Variants in ZNF527 observed in about 807,000 individuals in gnomAD.
The protein encoded by ZNF527 is zinc finger protein 527.
A neutral mutation model predicts 13.5 loss-of-function variants in ZNF527; 5 were observed. That is an observed-to-expected ratio of 0.37 (90% CI 0.19 to 0.78). The LOEUF is 0.78. Among genes scored for constraint, ZNF527 ranks in the 30% least tolerant of loss-of-function variants. ZNF527 has a pLI of 0.48. For missense variants in ZNF527, 628 were observed against 726.4 expected, an observed-to-expected ratio of 0.86 and a Z score of 1.56; for synonymous variants, 209 against 243.1, an observed-to-expected ratio of 0.86 and a Z score of 1.30.
At chr19:37,372,467 C>CTTTT (rs1022024971) in intron 1 of ZNF527, among the ~76,000 whole-genome samples, 119 of 65,632 alleles carry the variant, frequency 1.8e-3, no homozygotes, top group Non-Finnish European at 2.2e-3. Context: ...CTTTTCTTTT[C>CTTTT]TTTTTTTTTT....
chr19:37,388,231 C>A, intron 4 of ZNF527, 75 bp from the exon 5 acceptor site: 1 of 1,526,266 alleles, frequency 6.6e-7, no homozygotes, highest in Non-Finnish European at 8.8e-7. Context: ...TTAAATTCTT[C>A]CATTTCTTCT....
In ZNF527 at chr19:37,392,720, C is replaced by G. The variant is rs1600275969; in HGVS notation, c.*2841C>G. On this transcript the variant is annotated 3_prime_UTR_variant, in exon 5 of 5. Coordinates refer to ENST00000436120, the MANE Select transcript of ZNF527 (RefSeq NM_032453.2). ...TTGATTTTTGATCTATGTATGGCAC[C>G]TGATTTCATCCTCGAGAGTGACGTA... The G allele has an allele frequency of 6.6e-6, 1 of 152,122 alleles. No homozygotes were observed. Among genetic ancestry groups the G allele is most frequent in the African/African-American group, 2.4e-5 (1 of 41,418 alleles). 9.4% of individuals were successfully genotyped at this position (152,122 alleles called of 1,614,324 possible).
At chr19:37,380,194 G>T (rs755053142) in intron 3 of ZNF527, 83 bp from the exon 4 acceptor site, 1 of 1,571,224 alleles carries the variant, frequency 6.4e-7, no homozygotes, top group Non-Finnish European at 8.6e-7. Context: ...TTGGGTCTGC[G>T]TCCTAGACAG....
intron 4 of ZNF527, among the ~76,000 whole-genome samples, chr19:37,387,589 A>G (rs1255994138): frequency 2.6e-5 from 4 of 152,288 alleles, no homozygotes. Context: ...TTTTGAGATC[A>G]TCTTCTAAAA....
rs1382424741 is a variant in ZNF527, at chr19:37,391,464, G to T, written c.*1585G>T. ...CGTGCTTGTAATCCCAGCTACTCAG[G>T]AGGGTGAGGCAGGAGAATCACTTGA... On this transcript the variant is annotated 3_prime_UTR_variant, in exon 5 of 5. Transcript: ENST00000436120. The T allele has an allele frequency of 6.6e-6, 1 of 152,016 alleles. No homozygotes were observed. Among genetic ancestry groups the T allele is most frequent in the Non-Finnish European group, 1.5e-5 (1 of 68,046 alleles). The allele number at this position is 152,016 out of a possible 1,614,324, so 9.4% of individuals were successfully genotyped here.
chr19:37,389,693 T>C lies in ZNF527; in HGVS notation c.1644T>C (p.His548=), dbSNP rs369230002. The C allele has an allele frequency of 1.1e-5, 18 of 1,612,860 alleles. No homozygotes were observed. The highest frequency in any genetic ancestry group is 3.3e-5 in the Admixed American group (2 of 59,910). The change falls in exon 5 of 5, where the codon CAT becomes CAC. Residue 548 remains histidine, a synonymous_variant. Coordinates refer to ENST00000436120, the MANE Select transcript of ZNF527 (RefSeq NM_032453.2). ...GSYLNQHQRI[H]TGEKPYECSE... Reference sequence around the variant, plus strand: ...ATCTTAATCAACATCAAAGAATTCATACTGGAGAGAAACCCTATGAATGTA... The same window carrying C: ...ATCTTAATCAACATCAAAGAATTCACACTGGAGAGAAACCCTATGAATGTA...
rs764852710 is a variant in ZNF527, at chr19:37,389,151, A to G, written c.1102A>G (p.Ser368Gly). ...GTGCAATGAATGTGGGAAGGCCTTT[A>G]GCCGTTATGCCTTCCTTGTTGAACA... ...FACNECGKAFSRYAFLVEHQR... is the reference protein window; with the variant it reads ...FACNECGKAFGRYAFLVEHQR... Residue 368 changes from serine to glycine, a missense_variant, in exon 5 of 5, where the codon AGC (serine) becomes GGC (glycine). Coordinates refer to ENST00000436120, the MANE Select transcript of ZNF527 (RefSeq NM_032453.2). 2.5e-6 allele frequency: 4 copies of G among 1,614,062 alleles called. No homozygotes were observed. In the East Asian group the frequency reaches 6.7e-5, roughly 27 times the overall value.
intron 2 of ZNF527, 66 bp downstream of exon 2, chr19:37,374,297 G>C (rs2040582252): frequency 6.5e-7 from 1 of 1,531,754 alleles, no homozygotes; most frequent in African/African-American, 1.4e-5. Flanking sequence ...TGGGACCACA[G>C]GGAAAATCAC....
At chr19:37,380,450 T>G (rs1385539603) in intron 4 of ZNF527, 78 bp downstream of exon 4, 1 of 1,234,916 alleles carries the variant, frequency 8.1e-7, no homozygotes, top group Non-Finnish European at 1.2e-6. Flanking sequence ...TGTTTTGAGC[T>G]TCAGGTGGGA....
At chr19:37,380,093 C>A in intron 3 of ZNF527, 184 bp from the exon 4 acceptor site, 1 of 1,204,164 alleles carries the variant, frequency 8.3e-7, no homozygotes, top group East Asian at 3.0e-5. Context: ...ACTGTCACGG[C>A]AGAAGCTTCA....
At chr19:37,374,299 G>A (rs1420029633) in intron 2 of ZNF527, 68 bp downstream of exon 2, 2 of 1,514,610 alleles carry the variant, frequency 1.3e-6, no homozygotes, top group East Asian at 2.3e-5. Flanking sequence ...GGACCACAGG[G>A]AAAATCACAA....
rs773819755 is a variant in ZNF527 at position 37,384,934 on chromosome 19, C to T, written c.257-3372C>T. The T allele has an allele frequency of 7.4e-5, 52 of 702,210 alleles. 1 individual carries two copies. The highest frequency in any genetic ancestry group is 4.6e-4 in the Middle Eastern group (2 of 4,364). 43.5% of individuals were successfully genotyped at this position (702,210 alleles called of 1,614,324 possible). On this transcript the variant is annotated intron_variant, in intron 4 of 4. Coordinates refer to ENST00000436120, the MANE Select transcript of ZNF527 (RefSeq NM_032453.2). Reference sequence around the variant, plus strand: ...CTTGGCTCACTGCAGCCTATACCTACGGAACTCAAGCAATCTTCTCACCTC... The same window carrying T: ...CTTGGCTCACTGCAGCCTATACCTATGGAACTCAAGCAATCTTCTCACCTC...
intron 4 of ZNF527, chr19:37,385,606 A>T: frequency 2.9e-6 from 1 of 342,964 alleles, no homozygotes; most frequent in Non-Finnish European, 5.2e-6. Flanking sequence ...TAATTTTCTT[A>T]AGTTCTGAAA....
intron 4 of ZNF527, among the ~76,000 whole-genome samples, chr19:37,386,140 C>CTTTTTTTTTTTTTTTTTTTTTTTTTTTTT (rs1050024983): frequency 2.8e-5 from 2 of 72,454 alleles, no homozygotes; most frequent in Non-Finnish European, 4.6e-5. Context: ...TCTTCTTTTC[C>CTTTTTTTTTTTTTTTTTTTTTTTTTTTTT]TTTTTTTTTT....
Position 37,389,840 on chromosome 19 carries a change from T to C in ZNF527, c.1791T>C (p.Leu597=). 1 of 1,609,614 alleles carries C rather than the reference T, an allele frequency of 6.2e-7. No homozygotes were observed. Among genetic ancestry groups the C allele is most frequent in the Non-Finnish European group, 8.5e-7 (1 of 1,178,912 alleles). The change falls in exon 5 of 5, where the codon CTT becomes CTC. Residue 597 remains leucine, a synonymous_variant. Coordinates refer to ENST00000436120, the MANE Select transcript of ZNF527 (RefSeq NM_032453.2). ...ATAATTTTAGCTGTGTCTCAGCCCTTAGACGACATCAGAGAATTCATAATA... is the reference window on the plus strand; with the variant it reads ...ATAATTTTAGCTGTGTCTCAGCCCTCAGACGACATCAGAGAATTCATAATA... The part of the protein sequence containing the change: ...CGNNFSCVSA[L]RRHQRIHNRE...
chr19:37,388,495 A>T lies in ZNF527; in HGVS notation c.446A>T (p.Gln149Leu). The change falls in exon 5 of 5, where the codon CAA (glutamine) becomes CTA (leucine). Residue 149 changes from glutamine (Q) to leucine (L), a missense_variant. Gln to Leu is a moderately radical substitution (Grantham distance 113). This residue lies in a region of ZNF527 where 592 missense variants were observed against 678.0 expected (regional missense o/e 0.87). Transcript: ENST00000436120. ...GGAAATGCGGAGAGGCATTTCATGC[A>T]AGTGACAGCTGTTAAGGAAATCTCT... ...HQGNAERHFM[Q>L]VTAVKEISTG... 1 of 1,614,228 alleles carries T rather than the reference A, an allele frequency of 6.2e-7. No individual in the cohort carries two copies. The highest frequency in any genetic ancestry group is 8.5e-7 in the Non-Finnish European group (1 of 1,180,026).
chr19:37,389,602 G>C lies in ZNF527; in HGVS notation c.1553G>C (p.Arg518Thr). The C allele has an allele frequency of 2.5e-6, 4 of 1,614,158 alleles. No homozygotes were observed. The South Asian group carries it at 3.3e-5, about 13-fold the overall frequency. ...GCTTTAGTTCTAATTCACCATAAGA[G>C]AAGTCATGCAGGAGAGAAACCCTAT... ...SDALVLIHHK[R>T]SHAGEKPYEC... The change falls in exon 5 of 5, where the codon AGA (arginine) becomes ACA (threonine). Residue 518 changes from arginine to threonine, a missense_variant. Arg to Thr is a moderately conservative substitution (Grantham distance 71). Coordinates refer to ENST00000436120, the MANE Select transcript of ZNF527 (RefSeq NM_032453.2).
Position 37,388,820 on chromosome 19 carries a change from C to T in ZNF527, c.771C>T (p.Phe257=). 6.2e-7 allele frequency: 1 copy of T among 1,613,348 alleles called. No homozygotes were observed. Among genetic ancestry groups the T allele is most frequent in the Non-Finnish European group, 8.5e-7 (1 of 1,179,850 alleles). Residue 257 remains phenylalanine, a synonymous_variant, in exon 5 of 5, where the codon TTC becomes TTT. Transcript: ENST00000436120. The part of the protein sequence containing the change: ...ESHDFSKLLS[F]HSLFTQHQTT... ...ATGATTTTTCAAAGCTCTTAAGTTT[C>T]CACTCATTATTTACTCAACATCAGA...
chr19:37,387,926 C>T (rs2040713485), intron 4 of ZNF527, among the ~76,000 whole-genome samples: 1 of 152,172 alleles, frequency 6.6e-6, no homozygotes, highest in Non-Finnish European at 1.5e-5. Flanking sequence ...AGCTTTCAGT[C>T]TTATGAATAC....
Sources: allele counts gnomAD v4.1 joint callset (sites outside exome capture counted in the v4.1 genomes callset), GRCh38; gene constraint gnomAD v4.1.1; regional missense constraint gnomAD v4.1.1; transcripts MANE v1.5; gene names NCBI Gene and HGNC (gene_info 2026-07-23, HGNC 2026-07-21).